Variants in SCN9A observed in about 807,000 individuals in gnomAD.
The protein encoded by SCN9A is sodium voltage-gated channel alpha subunit 9, also known as sodium channel protein type 9 subunit alpha.
SCN9A carries 131 observed loss-of-function variants against 187.0 expected under a neutral mutation model. That is an observed-to-expected ratio of 0.70 (90% confidence interval 0.61 to 0.81). The LOEUF (loss-of-function observed/expected upper bound fraction) is 0.81, where lower values mean the gene tolerates loss of function less well. Among genes scored for constraint, SCN9A ranks in the 30% least tolerant of loss-of-function variants. The pLI is 0.00. For synonymous variants in SCN9A, 809 were observed against 808.6 expected, an observed-to-expected ratio of 1.00 and a Z score of -0.01; for missense variants, 2,252 against 2,396.6, an observed-to-expected ratio of 0.94 and a Z score of 1.26.
intron 1 of SCN9A, among the ~76,000 whole-genome samples, chr2:166,363,664 AG>A (rs1700343540): frequency 1.3e-5 from 2 of 152,072 alleles, no homozygotes; most frequent in Non-Finnish European, 2.9e-5. Context: ...AAACTCTCTT[AG>A]AGTCTACGAA....
chr2:166,293,488 G>A (rs1698170576), intron 8 of SCN9A, 116 bp from the exon 9 acceptor site: 2 of 847,110 alleles, frequency 2.4e-6, no homozygotes, highest in Non-Finnish European at 3.4e-6. Context: ...ATTGAATAAG[G>A]ATTAAGAATA....
chr2:166,333,971 T>C (rs190379146), intron 1 of SCN9A, among the ~76,000 whole-genome samples: 1 of 152,204 alleles, frequency 6.6e-6, no homozygotes, highest in East Asian at 1.9e-4. Context: ...TTGTAAGCAA[T>C]GGAGGGCATC....
At chr2:166,316,659 A>T (rs1699117721) in intron 1 of SCN9A, among the ~76,000 whole-genome samples, 1 of 152,226 alleles carries the variant, frequency 6.6e-6, no homozygotes, top group African/African-American at 2.4e-5. Flanking sequence ...GTGCCACTGC[A>T]CTCCAGCCTG....
intron 14 of SCN9A, among the ~76,000 whole-genome samples, chr2:166,279,493 T>G (rs1697381810): frequency 6.6e-6 from 1 of 152,174 alleles, no homozygotes; most frequent in African/African-American, 2.4e-5. Flanking sequence ...CCTGAGTTAG[T>G]GTGACCAGCA....
chr2:166,341,658 G>T (rs1473437946), intron 1 of SCN9A, among the ~76,000 whole-genome samples: 1 of 152,154 alleles, frequency 6.6e-6, no homozygotes, highest in Non-Finnish European at 1.5e-5. Flanking sequence ...GTTCACAGTT[G>T]CTGTGGGAAA....
At chr2:166,245,236 G>A (rs1292232660) in intron 18 of SCN9A, among the ~76,000 whole-genome samples, 4 of 151,962 alleles carry the variant, frequency 2.6e-5, no homozygotes, top group African/African-American at 9.7e-5. Context: ...TTGATATACA[G>A]AATGTTCAAT....
chr2:166,222,921 A>T, intron 24 of SCN9A, among the ~76,000 whole-genome samples: 2 of 111,512 alleles, frequency 1.8e-5, no homozygotes, highest in Non-Finnish European at 3.5e-5. Flanking sequence ...ACAGAGCGAA[A>T]CTCCGTCTCA....
At chr2:166,295,866 CT>C (rs1698277698) in intron 7 of SCN9A, among the ~76,000 whole-genome samples, 1 of 152,158 alleles carries the variant, frequency 6.6e-6, no homozygotes, top group Non-Finnish European at 1.5e-5. Flanking sequence ...AGTAAAAGTT[CT>C]CATCAACTCT....
At chr2:166,242,773 C>G (rs1171724358) in intron 18 of SCN9A, 117 bp from the exon 19 acceptor site, 1 of 634,194 alleles carries the variant, frequency 1.6e-6, no homozygotes, top group African/African-American at 1.8e-5. Context: ...ATTTCAACAC[C>G]TATACTTGCA....
At chr2:166,335,552 C>A (rs1261086924) in intron 1 of SCN9A, among the ~76,000 whole-genome samples, 1 of 152,128 alleles carries the variant, frequency 6.6e-6, no homozygotes, top group Non-Finnish European at 1.5e-5. Context: ...TAGAGTGGGA[C>A]ACTTACTGAT....
chr2:166,335,481 G>A (rs1241582343), intron 1 of SCN9A, among the ~76,000 whole-genome samples: 1 of 152,130 alleles, frequency 6.6e-6, no homozygotes, highest in Non-Finnish European at 1.5e-5. Context: ...TTCCAGCTGT[G>A]TTAGTGTGGA....
chr2:166,275,439 G>T (rs777518609), intron 16 of SCN9A, among the ~76,000 whole-genome samples: 3 of 151,852 alleles, frequency 2.0e-5, no homozygotes, highest in Non-Finnish European at 4.4e-5. Context: ...ACAAAAATTA[G>T]CTGGCACGGT....
At chr2:166,247,099 T>G (rs116586055) in intron 18 of SCN9A, among the ~76,000 whole-genome samples, 524 of 139,880 alleles carry the variant, frequency 3.7e-3, no homozygotes, top group Non-Finnish European at 6.6e-3. Context: ...ACTAATGTGC[T>G]CTCATGGTGC....
At chr2:166,279,184 T>A (rs1574855263) in intron 14 of SCN9A, among the ~76,000 whole-genome samples, 1 of 152,090 alleles carries the variant, frequency 6.6e-6, no homozygotes, top group African/African-American at 2.4e-5. Context: ...TATTCCTGCC[T>A]TTTTCCAAAG....
chr2:166,218,523 T>C (rs1694440152), intron 24 of SCN9A, among the ~76,000 whole-genome samples: 1 of 152,092 alleles, frequency 6.6e-6, no homozygotes, highest in Admixed American at 6.6e-5. Context: ...GTATAAATCT[T>C]GATCAAAGGA....
intron 19 of SCN9A, among the ~76,000 whole-genome samples, chr2:166,239,222 C>CAAAAAAAAA (rs1224250762): frequency 6.7e-5 from 1 of 14,988 alleles, no homozygotes; most frequent in African/African-American, 1.2e-4. Flanking sequence ...GACTCTGTCT[C>CAAAAAAAAA]AAAAAAAAAA....
At chr2:166,358,097 C>T (rs1024390729) in intron 1 of SCN9A, among the ~76,000 whole-genome samples, 2 of 149,684 alleles carry the variant, frequency 1.3e-5, no homozygotes, top group East Asian at 2.0e-4. Context: ...GAGATGGAGT[C>T]GCTCTCTCAT....
At chr2:166,247,157 C>CA (rs35833662) in intron 18 of SCN9A, among the ~76,000 whole-genome samples, 24,953 of 43,078 alleles carry the variant, frequency 0.58, 6,104 homozygotes, top group East Asian at 0.66. Flanking sequence ...CCAAAGCTCT[C>CA]AAAAAAAAAA....
intron 18 of SCN9A, among the ~76,000 whole-genome samples, chr2:166,247,665 C>T (rs2106418771): frequency 6.6e-6 from 1 of 152,164 alleles, no homozygotes; most frequent in African/African-American, 2.4e-5. Context: ...TACAGGCGCT[C>T]ACCACCAGGC....
Sources: allele counts gnomAD v4.1 joint callset (sites outside exome capture counted in the v4.1 genomes callset), GRCh38; gene constraint gnomAD v4.1.1; transcripts MANE v1.5; gene names NCBI Gene and HGNC (gene_info 2026-07-23, HGNC 2026-07-21).